CCDC191: variants seen among roughly 807,000 people sequenced by gnomAD.
The protein encoded by CCDC191 is coiled-coil domain-containing protein 191.
In CCDC191, 99 loss-of-function variants were observed where a neutral mutation model predicts 114.0. The ratio of observed to expected loss-of-function variants is 0.87; its 90% CI spans 0.74 to 1.03. The LOEUF is 1.03. Ranked by LOEUF, CCDC191 falls within the 50% of genes least tolerant of loss-of-function variation. The pLI is 0.00. For synonymous variants in CCDC191, 351 were observed against 376.0 expected (o/e 0.93, Z 0.77); for missense variants, 973 against 1,087.0 (o/e 0.90, Z 1.47).
chr3:114,008,525 G>A (rs1370584417), intron 9 of CCDC191, among the ~76,000 whole-genome samples: 1 of 152,012 alleles, frequency 6.6e-6, no homozygotes, highest in Non-Finnish European at 1.5e-5. Context: ...AGGTGAGGGG[G>A]TAGAAGCTCT....
intron 9 of CCDC191, 102 bp downstream of exon 9, chr3:114,010,670 T>C: frequency 8.5e-7 from 1 of 1,173,560 alleles, no homozygotes; most frequent in South Asian, 1.6e-5. Context: ...AGCTCTAATC[T>C]TCTGATAGCC....
chr3:113,964,956 T>C lies in CCDC191; in HGVS notation c.*199A>G, dbSNP rs997955214. 1.0e-5 allele frequency: 4 copies of C among 396,362 alleles called. No homozygotes were observed. The highest frequency in any genetic ancestry group is 1.8e-5 in the Non-Finnish European group (4 of 224,500). The allele number at this position is 396,362 out of a possible 1,614,324, so 24.6% of individuals were successfully genotyped here. On this transcript the variant is annotated 3_prime_UTR_variant, in exon 17 of 17. Transcript: ENST00000295878. ...AATGTTCCTTTGGATGATCCCACTG[T>C]GATAAATGCTATAGTGAATGACTAG...
chr3:114,031,778 C>T lies in CCDC191; in HGVS notation c.820G>A (p.Glu274Lys). The T allele has an allele frequency of 7.7e-7, 1 of 1,306,176 alleles. No individual in the cohort carries two copies. The highest frequency in any genetic ancestry group is 1.1e-6 in the Non-Finnish European group (1 of 916,592). 80.9% of individuals were successfully genotyped at this position (1,306,176 alleles called of 1,614,324 possible). A position where few individuals can be genotyped will look rare whatever the true frequency, so the allele number is the denominator to read the frequency against. The stretch of plus-strand genomic sequence containing the variant: ...GAATTCTCTTCTTGCCTTTTCTTCT[C>T]TCTATTAATAACAATTTAAAAATAC... ...RRTVKAAWKI[E>K]KKRQEENSQN... The change falls in exon 7 of 17, where the codon GAG (glutamate) becomes AAG (lysine). Residue 274 changes from glutamate (E) to lysine (K), a missense_variant and splice_region_variant. By Grantham distance (56) the Glu-to-Lys change is moderately conservative. Coordinates refer to ENST00000295878, the MANE Select transcript of CCDC191 (RefSeq NM_020817.2).
At chr3:113,970,901 C>A (rs906555859) in intron 16 of CCDC191, among the ~76,000 whole-genome samples, 1 of 152,182 alleles carries the variant, frequency 6.6e-6, no homozygotes, top group Non-Finnish European at 1.5e-5. Flanking sequence ...ATGAACTCAT[C>A]ATTTTTTATG....
At chr3:113,985,901 A>T (rs1330658967) in intron 13 of CCDC191, among the ~76,000 whole-genome samples, 1 of 152,198 alleles carries the variant, frequency 6.6e-6, no homozygotes. Context: ...GCCCTGAACA[A>T]CAGGTCTGGC....
rs61741386 is a variant in CCDC191 at position 114,034,954 on chromosome 3, C to A, written c.789G>T (p.Arg263Ser). The A allele has an allele frequency of 6.2e-7, 1 of 1,613,954 alleles. No individual in the cohort carries two copies. Among genetic ancestry groups the A allele is most frequent in the South Asian group, 1.1e-5 (1 of 91,074 alleles). The change falls in exon 6 of 17, where the codon AGG becomes AGT. Residue 263 changes from arginine (R) to serine (S), a missense_variant. Transcript: ENST00000295878. ...MVKLRREIIE[R>S]RRTVKAAWKI... ...TCCATGCTGCTTTCACAGTGCGTCT[C>A]CTCTCAATTATCTCCCTCCGCAGCT...
intron 13 of CCDC191, among the ~76,000 whole-genome samples, chr3:113,992,296 G>T (rs1350709941): frequency 6.6e-6 from 1 of 152,154 alleles, no homozygotes; most frequent in Admixed American, 6.5e-5. Context: ...TAAGCATTCA[G>T]CTCCCTCAGC....
intron 13 of CCDC191, among the ~76,000 whole-genome samples, chr3:114,000,200 G>C (rs2075827511): frequency 6.6e-6 from 1 of 152,238 alleles, no homozygotes; most frequent in Non-Finnish European, 1.5e-5. Context: ...TAGTAAAGTA[G>C]ATTGCCCTCA....
At chr3:114,024,075 T>C (rs371326035) in intron 7 of CCDC191, among the ~76,000 whole-genome samples, 4 of 152,328 alleles carry the variant, frequency 2.6e-5, no homozygotes, top group East Asian at 3.9e-4. Flanking sequence ...AAGACATTTA[T>C]GCAGCCAAAA....
intron 8 of CCDC191, among the ~76,000 whole-genome samples, chr3:114,011,696 A>G (rs1401419279): frequency 6.6e-6 from 1 of 152,154 alleles, no homozygotes; most frequent in Non-Finnish European, 1.5e-5. Flanking sequence ...TATTTTCTAC[A>G]CCTTCCTAAG....
At position 114,004,709 on chromosome 3, in the gene CCDC191, C is replaced by A; in HGVS notation, c.1906G>T (p.Asp636Tyr). ...AGTCCAGAAAGAGAATTTCGGGAGT[C>A]ACTTCTGCCTTCAGTCCCAGGGGAA... is the stretch of plus-strand genomic sequence containing the variant. ...VASPGTEGRS[D>Y]SRNSLSGLRR... Residue 636 changes from aspartate (D) to tyrosine (Y), a missense_variant, in exon 11 of 17, where the codon GAC becomes TAC. Transcript: ENST00000295878. 6.2e-7 allele frequency: 1 copy of A among 1,612,192 alleles called. No individual in the cohort carries two copies. The highest frequency in any genetic ancestry group is 1.1e-5 in the South Asian group (1 of 90,966).
chr3:114,046,685 A>C lies in CCDC191; in HGVS notation c.177T>G (p.Thr59=). 6.2e-7 allele frequency: 1 copy of C among 1,612,286 alleles called. No individual in the cohort carries two copies. Among genetic ancestry groups the C allele is most frequent in the Non-Finnish European group, 8.5e-7 (1 of 1,178,486 alleles). The change falls in exon 3 of 17, where the codon ACT becomes ACG. Residue 59 remains threonine, a synonymous_variant. Coordinates refer to ENST00000295878, the MANE Select transcript of CCDC191 (RefSeq NM_020817.2). The part of the protein sequence containing the change: ...SEFAVSNAFF[T]RNSDLPRSPW... ...GACTTCTAGGTAAATCTGAATTTCT[A>C]GTAAAAAATGCATTTGACACTGCAA...
At chr3:114,047,413 G>A (rs2107757532) in intron 2 of CCDC191, among the ~76,000 whole-genome samples, 1 of 152,292 alleles carries the variant, frequency 6.6e-6, no homozygotes, top group East Asian at 1.9e-4. Context: ...TGTAATCATA[G>A]CACTTTGGAA....
At chr3:114,003,984 T>C (rs750552379) in intron 11 of CCDC191, 1 of 985,426 alleles carries the variant, frequency 1.0e-6, no homozygotes, top group Non-Finnish European at 1.2e-6. Context: ...AATAAGGGTT[T>C]CTGGCCAGGT....
chr3:114,054,506 G>A (rs1052496767), intron 1 of CCDC191, among the ~76,000 whole-genome samples: 4 of 152,100 alleles, frequency 2.6e-5, no homozygotes, highest in Non-Finnish European at 5.9e-5. Context: ...GCGTGGTGGC[G>A]GGTGCCTGTA....
intron 9 of CCDC191, among the ~76,000 whole-genome samples, chr3:114,009,599 T>C (rs1253055500): frequency 6.6e-6 from 1 of 152,202 alleles, no homozygotes; most frequent in African/African-American, 2.4e-5. Context: ...ACTGTGTATG[T>C]GGTCAGTCAT....
At position 113,980,648 on chromosome 3, in the gene CCDC191, A is replaced by G. The variant is rs1017902791; in HGVS notation, c.2307+2T>C. ...CTGGGGGATAACAGTGGGACAGTGT[A>G]CCTGGATGTTTTGTTTGCTTTGCAT... is the stretch of plus-strand genomic sequence containing the variant. On this transcript the variant is annotated splice_donor_variant, in intron 14 of 16. Coordinates refer to ENST00000295878, the MANE Select transcript of CCDC191 (RefSeq NM_020817.2). LOFTEE classifies it high-confidence loss of function. 2.5e-6 allele frequency: 4 copies of G among 1,587,926 alleles called. No individual in the cohort carries two copies. In the South Asian group the frequency reaches 3.5e-5, roughly 14 times the overall value.
chr3:114,013,618 C>T (rs2107686928), intron 8 of CCDC191, among the ~76,000 whole-genome samples: 1 of 152,284 alleles, frequency 6.6e-6, no homozygotes, highest in South Asian at 2.1e-4. Context: ...ATCCCAATTT[C>T]CTTGCAATCT....
At chr3:114,036,481 C>T in intron 5 of CCDC191, 127 bp downstream of exon 5, 3 of 538,660 alleles carry the variant, frequency 5.6e-6, no homozygotes, top group Non-Finnish European at 6.2e-6. Context: ...TATTTTTATT[C>T]TCCCTAACCA....
Sources: gnomAD v4.1 joint callset for allele counts (sites outside exome capture counted in the v4.1 genomes callset) on GRCh38, gnomAD v4.1.1 for gene constraint, MANE v1.5 for transcripts, NCBI Gene and HGNC (gene_info 2026-07-23, HGNC 2026-07-21) for gene names.